ADAP2: variants seen among roughly 807,000 people sequenced by gnomAD.
ADAP2 encodes arf-GAP with dual PH domain-containing protein 2.
A neutral mutation model predicts 54.9 loss-of-function variants in ADAP2; 42 were observed. That is an observed-to-expected ratio of 0.77 (90% CI 0.60 to 0.99). The LOEUF is 0.99. Ranked by LOEUF, ADAP2 falls within the 50% of genes least tolerant of loss-of-function variation. ADAP2 has a pLI of 0.00. For missense variants in ADAP2, 429 were observed against 480.4 expected (o/e 0.89, Z 1.00); for synonymous variants, 177 against 180.1 (o/e 0.98, Z 0.14).
chr17:30,932,053 C>A, intron 4 of ADAP2, 85 bp downstream of exon 4: 1 of 1,295,560 alleles, frequency 7.7e-7, no homozygotes, highest in Non-Finnish European at 1.1e-6. Context: ...GAGCAAGATC[C>A]ATCCAAGAGA....
intron 5 of ADAP2, 79 bp downstream of exon 5, chr17:30,934,376 GC>G: frequency 1.1e-6 from 1 of 949,882 alleles, no homozygotes; most frequent in Non-Finnish European, 1.6e-6. Flanking sequence ...AATCAGTGGT[GC>G]CCTTTTCTTG....
chr17:30,953,467 A>G (rs1358896855), intron 8 of ADAP2, 117 bp downstream of exon 8: 1 of 1,065,810 alleles, frequency 9.4e-7, no homozygotes, highest in East Asian at 2.6e-5. Flanking sequence ...AGCTTGTCCA[A>G]CCCACAGCCC....
chr17:30,952,362 A>G (rs888888598), intron 7 of ADAP2, among the ~76,000 whole-genome samples: 3 of 151,868 alleles, frequency 2.0e-5, no homozygotes, highest in Non-Finnish European at 4.4e-5. Flanking sequence ...CTCTGGCATC[A>G]TTTTCTTTTC....
At chr17:30,947,537 G>C (rs1912768110) in intron 6 of ADAP2, among the ~76,000 whole-genome samples, 1 of 152,136 alleles carries the variant, frequency 6.6e-6, no homozygotes, top group Non-Finnish European at 1.5e-5. Context: ...ATTTTTAGTA[G>C]AGATGGGGTT....
intron 7 of ADAP2, among the ~76,000 whole-genome samples, chr17:30,952,250 C>T (rs1038654858): frequency 4.6e-5 from 7 of 152,150 alleles, no homozygotes; most frequent in Non-Finnish European, 8.8e-5. Flanking sequence ...CATAAGGCCT[C>T]GAGAGACAGA....
At chr17:30,933,490 T>C (rs1264603231) in intron 4 of ADAP2, among the ~76,000 whole-genome samples, 1 of 151,030 alleles carries the variant, frequency 6.6e-6, no homozygotes, top group Admixed American at 6.6e-5. Flanking sequence ...ACCCAGCCCA[T>C]AAATTATTCT....
At chr17:30,935,531 G>T (rs944976940) in intron 5 of ADAP2, among the ~76,000 whole-genome samples, 1 of 152,100 alleles carries the variant, frequency 6.6e-6, no homozygotes. Context: ...ATGGCTATGT[G>T]GGGGGAAGAA....
At chr17:30,942,488 AAGC>A (rs1398135778) in intron 5 of ADAP2, among the ~76,000 whole-genome samples, 3 of 152,190 alleles carry the variant, frequency 2.0e-5, no homozygotes, top group African/African-American at 7.2e-5. Context: ...TTCCATTTCT[AAGC>A]ATACGCTGTG....
intron 3 of ADAP2, 133 bp downstream of exon 3, chr17:30,927,051 C>T: frequency 1.5e-6 from 1 of 668,026 alleles, no homozygotes; most frequent in South Asian, 1.8e-5. Flanking sequence ...TCCAGGAAAG[C>T]ACTGGATACC....
chr17:30,932,108 C>T (rs1911532896), intron 4 of ADAP2, 140 bp downstream of exon 4: 1 of 697,294 alleles, frequency 1.4e-6, no homozygotes, highest in Non-Finnish European at 2.4e-6. Flanking sequence ...GGTGTGGGTT[C>T]TTCTGACTTT....
rs1191338684 is a variant in ADAP2, at chr17:30,956,330, T to A, written c.972T>A (p.Asn324Lys). The change falls in exon 10 of 11, where the codon AAT becomes AAA. Residue 324 changes from asparagine (N) to lysine (K), a missense_variant. Physicochemically the swap from Asn to Lys is moderately conservative, Grantham distance 94. Coordinates refer to ENST00000330889, the MANE Select transcript of ADAP2 (RefSeq NM_018404.3). ...YEDLPKGIRG[N>K]RWKAGLTIVT... ...ACCTGCCCAAGGGCATCCGAGGAAA[T>A]CGCTGGAAAGCCGGACTCACCATTG... The A allele has an allele frequency of 6.2e-7, 1 of 1,614,090 alleles. No homozygotes were observed. Among genetic ancestry groups the A allele is most frequent in the Admixed American group, 1.7e-5 (1 of 60,000 alleles).
chr17:30,946,815 A>T (rs1598049400), intron 6 of ADAP2, among the ~76,000 whole-genome samples: 1 of 152,266 alleles, frequency 6.6e-6, no homozygotes, highest in Non-Finnish European at 1.5e-5. Context: ...CACCCACTTT[A>T]CCTGCCATGT....
At chr17:30,930,346 ACAAGTGTGAGC>A (rs1480806878) in intron 3 of ADAP2, among the ~76,000 whole-genome samples, 4 of 152,128 alleles carry the variant, frequency 2.6e-5, no homozygotes, top group Non-Finnish European at 5.9e-5. Context: ...TGCTAGGATT[ACAAGTGTGAGC>A]CACTGCGCCT....
At chr17:30,934,860 C>A (rs569428908) in intron 5 of ADAP2, among the ~76,000 whole-genome samples, 1 of 151,990 alleles carries the variant, frequency 6.6e-6, no homozygotes, top group Non-Finnish European at 1.5e-5. Flanking sequence ...ATGGTGAAGC[C>A]CCATCTCTAC....
At chr17:30,923,160 CTG>C in intron 2 of ADAP2, 90 bp downstream of exon 2, 1 of 1,483,040 alleles carries the variant, frequency 6.7e-7, no homozygotes, top group Non-Finnish European at 9.3e-7. Flanking sequence ...GAGGGGGAAA[CTG>C]AGAACCAGAG....
At chr17:30,954,303 C>T (rs1189180555) in intron 8 of ADAP2, 175 bp from the exon 9 acceptor site, 1 of 619,750 alleles carries the variant, frequency 1.6e-6, no homozygotes, top group African/African-American at 1.8e-5. Context: ...ACCTTCAGAG[C>T]CTGAGGGCTC....
At chr17:30,948,902 G>T (rs368594067) in intron 6 of ADAP2, among the ~76,000 whole-genome samples, 8 of 152,224 alleles carry the variant, frequency 5.3e-5, no homozygotes, top group African/African-American at 1.9e-4. Context: ...ACCTGAGAGC[G>T]TGTTAGGAAT....
chr17:30,949,254 C>G, intron 6 of ADAP2, 33 bp from the exon 7 acceptor site: 3 of 1,544,798 alleles, frequency 1.9e-6, no homozygotes, highest in Non-Finnish European at 2.7e-6. Flanking sequence ...CATCTCACTG[C>G]TGTGTGTGTG....
intron 3 of ADAP2, among the ~76,000 whole-genome samples, chr17:30,928,104 G>T: frequency 6.9e-6 from 1 of 144,914 alleles, no homozygotes; most frequent in Admixed American, 7.1e-5. Flanking sequence ...TAAGGCATGA[G>T]AATTGTTTGA....
Sources: allele counts gnomAD v4.1 joint callset (sites outside exome capture counted in the v4.1 genomes callset), GRCh38; gene constraint gnomAD v4.1.1; transcripts MANE v1.5; gene names NCBI Gene and HGNC (gene_info 2026-07-23, HGNC 2026-07-21).